Variants in SARNP observed in about 807,000 individuals in gnomAD.
The protein encoded by SARNP is SAP domain containing ribonucleoprotein, also known as SAP domain-containing ribonucleoprotein.
A neutral mutation model predicts 38.1 loss-of-function variants in SARNP; 5 were observed. The observed-to-expected ratio is 0.13, with a 90% CI of 0.07 to 0.28. SARNP has a LOEUF of 0.28. Among genes scored for constraint, SARNP ranks in the 10% least tolerant of loss-of-function variants. SARNP has a pLI of 1.00. For missense variants in SARNP, 180 were observed against 243.9 expected (o/e 0.74, Z 1.75); for synonymous variants, 84 against 80.6 (o/e 1.04, Z -0.23).
intron 9 of SARNP, among the ~76,000 whole-genome samples, chr12:55,772,839 C>T (rs1337475632): frequency 2.0e-5 from 3 of 151,838 alleles, no homozygotes; most frequent in East Asian, 3.9e-4. Flanking sequence ...CTCAGCCTCC[C>T]GAGTAGCTGG....
Position 55,763,060 on chromosome 12 carries a change from T to C in SARNP, c.502-2420A>G, listed in dbSNP as rs75147337. 6.6e-3 allele frequency among the ~76,000 whole-genome samples: 1,008 copies of C among 152,318 alleles called. 8 individuals are homozygous for C. The highest frequency in any genetic ancestry group is 0.023 in the African/African-American group (973 of 41,556). On this transcript the variant is annotated intron_variant, in intron 9 of 10. Transcript: ENST00000336133. ...ATTTAATCACAGTTTATTACTAGAA[T>C]AAACTACTGCCTACACAGTTTTTCT...
At chr12:55,755,360 A>G (rs1246105604), downstream of SARNP, 1 of 152,170 alleles carries the variant, frequency 6.6e-6, no homozygotes, top group Non-Finnish European at 1.5e-5. Context: ...GAGTGGAAAA[A>G]AAGAATAATC....
In SARNP at chr12:55,784,060, C is replaced by T. The variant is rs1033220418; in HGVS notation, c.501+5015G>A. The stretch of plus-strand genomic sequence containing the variant: ...TCCACTAAAGAGAAATCAGCAAGCA[C>T]GCAGGGTCGTAAGTTGGATCAAGCA... On this transcript the variant is annotated intron_variant, in intron 9 of 10. Coordinates refer to ENST00000336133, the MANE Select transcript of SARNP (RefSeq NM_033082.4). Among the ~76,000 whole-genome samples the T allele has an allele frequency of 5.9e-5, 9 of 152,080 alleles. No homozygotes were observed. The South Asian group carries it at 6.2e-4, about 11-fold the overall frequency.
chr12:55,789,367 T>G (rs1214384653), intron 8 of SARNP, among the ~76,000 whole-genome samples: 5 of 152,104 alleles, frequency 3.3e-5, no homozygotes, highest in Non-Finnish European at 7.4e-5. Context: ...TTATCACAGG[T>G]GTCAAGAGCC....
intron 9 of SARNP, among the ~76,000 whole-genome samples, chr12:55,777,301 G>A (rs1232028270): frequency 2.6e-5 from 4 of 151,916 alleles, no homozygotes; most frequent in African/African-American, 9.7e-5. Flanking sequence ...ATAGGGCAAG[G>A]CACCAGCCAT....
At chr12:55,788,788 A>C (rs1220769526) in intron 9 of SARNP, among the ~76,000 whole-genome samples, 5 of 152,134 alleles carry the variant, frequency 3.3e-5, no homozygotes, top group Non-Finnish European at 7.4e-5. Context: ...CAACAGAATG[A>C]CCTTGTCTCA....
chr12:55,761,182 A>C (rs1878664342), intron 9 of SARNP, among the ~76,000 whole-genome samples: 1 of 152,070 alleles, frequency 6.6e-6, no homozygotes, highest in African/African-American at 2.4e-5. Context: ...TCTCAAAAAA[A>C]AAAATAATAA....
At chr12:55,814,740 G>A (rs1027384700) in intron 1 of SARNP, among the ~76,000 whole-genome samples, 3 of 151,950 alleles carry the variant, frequency 2.0e-5, no homozygotes, top group East Asian at 1.9e-4. Context: ...ATGGTGGCAC[G>A]TGCCTGTAAT....
chr12:55,778,678 A>T (rs1257361447), intron 9 of SARNP, among the ~76,000 whole-genome samples: 3 of 152,144 alleles, frequency 2.0e-5, no homozygotes, highest in Admixed American at 1.3e-4. Context: ...TAGTCTTAAA[A>T]ATGCTCCAAG....
chr12:55,809,290 A>C, intron 1 of SARNP, among the ~76,000 whole-genome samples: 1 of 151,962 alleles, frequency 6.6e-6, no homozygotes. Flanking sequence ...ATTGAAAAAA[A>C]AAAATTAGCC....
chr12:55,799,213 A>T (rs1281433185), intron 4 of SARNP, among the ~76,000 whole-genome samples: 1 of 152,230 alleles, frequency 6.6e-6, no homozygotes, highest in African/African-American at 2.4e-5. Context: ...GATATACTCC[A>T]CTATGTACTG....
chr12:55,806,602 C>T (rs1880152503), intron 1 of SARNP, among the ~76,000 whole-genome samples: 1 of 151,968 alleles, frequency 6.6e-6, no homozygotes, highest in African/African-American at 2.4e-5. Context: ...GACGGAGTCT[C>T]GCTCTATCAC....
At chr12:55,774,074 A>AGGCACAG (rs1368977212) in intron 9 of SARNP, among the ~76,000 whole-genome samples, 1 of 151,942 alleles carries the variant, frequency 6.6e-6, no homozygotes, top group Non-Finnish European at 1.5e-5. Context: ...GCACAACCAT[A>AGGCACAG]GCTCGCTGCA....
chr12:55,786,748 C>T (rs1009156629), intron 9 of SARNP, among the ~76,000 whole-genome samples: 1 of 152,112 alleles, frequency 6.6e-6, no homozygotes, highest in Non-Finnish European at 1.5e-5. Flanking sequence ...CGTGCCCAGT[C>T]GTGACCTTTG....
chr12:55,774,578 ACAAAAAAAAAAAAAC>A (rs1565673562), intron 9 of SARNP, among the ~76,000 whole-genome samples: 8 of 56,646 alleles, frequency 1.4e-4, no homozygotes, highest in Admixed American at 1.0e-3. Flanking sequence ...AAAAAAACAA[ACAAAAAAAAAAAAAC>A]AAAAATTAGC....
intron 1 of SARNP, among the ~76,000 whole-genome samples, chr12:55,815,543 C>T (rs1880455809): frequency 6.6e-6 from 1 of 152,186 alleles, no homozygotes; most frequent in East Asian, 1.9e-4. Context: ...CAACCTCCAA[C>T]CCGGGCTCAA....
At chr12:55,815,663 C>T (rs1166627047) in intron 1 of SARNP, among the ~76,000 whole-genome samples, 1 of 151,966 alleles carries the variant, frequency 6.6e-6, no homozygotes, top group African/African-American at 2.4e-5. Flanking sequence ...GGGGTTTCGC[C>T]ATGTTGCCCA....
intron 9 of SARNP, among the ~76,000 whole-genome samples, chr12:55,772,734 G>A (rs1391606686): frequency 3.1e-5 from 4 of 127,466 alleles, no homozygotes; most frequent in Admixed American, 1.7e-4. Context: ...TTTTTTTTGA[G>A]ACAGAGTTTT....
intron 2 of SARNP, 60 bp downstream of exon 2, chr12:55,803,569 T>C: frequency 9.9e-7 from 1 of 1,005,300 alleles, no homozygotes; most frequent in South Asian, 1.6e-5. Context: ...AGAAATCTTT[T>C]CAGTGTCAAA....
Sources: allele counts gnomAD v4.1 joint callset (sites outside exome capture counted in the v4.1 genomes callset), GRCh38; gene constraint gnomAD v4.1.1; transcripts MANE v1.5; gene names NCBI Gene and HGNC (gene_info 2026-07-23, HGNC 2026-07-21).